GLYATL1: variants seen among roughly 807,000 people sequenced by gnomAD.
GLYATL1 encodes glycine N-acyltransferase-like protein 1.
Under a neutral mutation model 20.0 loss-of-function variants are expected in GLYATL1, and 15 were observed. The ratio of observed to expected loss-of-function variants is 0.75; its 90% CI spans 0.50 to 1.15. GLYATL1 has a LOEUF of 1.15. Among genes scored for constraint, GLYATL1 ranks in the 50% most tolerant of loss-of-function variants. GLYATL1 has a pLI of 0.00. For synonymous variants in GLYATL1, 151 were observed against 131.5 expected, an observed-to-expected ratio of 1.15 and a Z score of -1.01; for missense variants, 380 against 368.5, an observed-to-expected ratio of 1.03 and a Z score of -0.26.
intron 2 of GLYATL1, chr11:58,946,652 G>T: frequency 5.0e-6 from 1 of 198,174 alleles, no homozygotes; most frequent in East Asian, 1.4e-4. Flanking sequence ...CCTGTTCTTA[G>T]AGGGCTGATA....
rs1402899392 is a variant in GLYATL1, at chr11:58,954,817, C to T, written c.234C>T (p.Phe78=). Residue 78 remains phenylalanine, a synonymous_variant, in exon 5 of 7, where the codon TTC becomes TTT. Coordinates refer to ENST00000532726, the MANE Select transcript of GLYATL1 (RefSeq NM_001389712.2). ...MDSYTNVYRM[F]SKEPQKSEEV... ...CATACACAAACGTATATCGTATGTTCTCCAAAGAGCCTCAAAAATCAGAAG... is the reference window on the plus strand; with the variant it reads ...CATACACAAACGTATATCGTATGTTTTCCAAAGAGCCTCAAAAATCAGAAG... 2.5e-6 allele frequency: 4 copies of T among 1,612,034 alleles called. No individual in the cohort carries two copies. Among genetic ancestry groups the T allele is most frequent in the East Asian group, 4.5e-5 (2 of 44,880 alleles).
chr11:58,942,478 G>C (rs1453612785), intron 1 of GLYATL1: 1 of 152,172 alleles, frequency 6.6e-6, no homozygotes, highest in Non-Finnish European at 1.5e-5. Flanking sequence ...ATAATGGATT[G>C]GATGTAAAGT....
intron 1 of GLYATL1, among the ~76,000 whole-genome samples, chr11:58,914,390 G>A (rs1258003783): frequency 6.6e-6 from 1 of 152,196 alleles, no homozygotes; most frequent in Non-Finnish European, 1.5e-5. Context: ...TTGAATACAT[G>A]GGAGTCAGCA....
At chr11:58,916,461 G>A (rs1245315036) in intron 1 of GLYATL1, among the ~76,000 whole-genome samples, 1 of 152,206 alleles carries the variant, frequency 6.6e-6, no homozygotes. Flanking sequence ...GCACAGCTCA[G>A]AGATGTTAAA....
chr11:58,944,144 A>G (rs780515857), intron 2 of GLYATL1, among the ~76,000 whole-genome samples: 3 of 152,246 alleles, frequency 2.0e-5, no homozygotes, highest in Non-Finnish European at 4.4e-5. Flanking sequence ...ACATTACTAA[A>G]GATACTTAGA....
At chr11:58,915,732 T>A (rs1590767887) in intron 1 of GLYATL1, among the ~76,000 whole-genome samples, 1 of 152,160 alleles carries the variant, frequency 6.6e-6, no homozygotes, top group Non-Finnish European at 1.5e-5. Context: ...GAATCCTTGC[T>A]CTCCAATAGA....
At chr11:58,912,311 G>T (rs1458700041), downstream of GLYATL1, among the ~76,000 whole-genome samples, 1 of 152,176 alleles carries the variant, frequency 6.6e-6, no homozygotes, top group Non-Finnish European at 1.5e-5. Flanking sequence ...GACAAAGAAG[G>T]TTAGTCATCC....
chr11:58,911,863 G>A (rs1855052788), downstream of GLYATL1, among the ~76,000 whole-genome samples: 1 of 152,166 alleles, frequency 6.6e-6, no homozygotes, highest in South Asian at 2.1e-4. Context: ...TGCGGATCAT[G>A]CTTTTGTTGT....
upstream of GLYATL1, among the ~76,000 whole-genome samples, chr11:58,924,896 T>A (rs895918003): frequency 3.9e-5 from 6 of 152,244 alleles, no homozygotes; most frequent in Admixed American, 3.3e-4. Flanking sequence ...AAAAGGCAGA[T>A]TCAGAAGATG....
chr11:58,954,798 C>T lies in GLYATL1; in HGVS notation c.215C>T (p.Thr72Ile), dbSNP rs904723937. 1 of 1,609,006 alleles carries T rather than the reference C, an allele frequency of 6.2e-7. No homozygotes were observed. Among genetic ancestry groups the T allele is most frequent in the Admixed American group, 1.7e-5 (1 of 58,972 alleles). Residue 72 changes from threonine to isoleucine, a missense_variant, in exon 5 of 7, where the codon ACA becomes ATA. Thr to Ile is a moderately conservative substitution (Grantham distance 89, BLOSUM62 -1). Coordinates refer to ENST00000532726, the MANE Select transcript of GLYATL1 (RefSeq NM_001389712.2). Reference protein sequence around the residue: ...QEMTDDMDSYTNVYRMFSKEP... With the variant: ...QEMTDDMDSYINVYRMFSKEP... The stretch of plus-strand genomic sequence containing the variant: ...ATGACTGATGACATGGATTCATACA[C>T]AAACGTATATCGTATGTTCTCCAAA...
chr11:58,940,353 A>T (rs1856049794), intron 1 of GLYATL1, among the ~76,000 whole-genome samples: 1 of 152,226 alleles, frequency 6.6e-6, no homozygotes, highest in Non-Finnish European at 1.5e-5. Flanking sequence ...AGCCATGTGA[A>T]CATGTTTGCA....
At chr11:58,932,301 T>C (rs1159262032) in intron 1 of GLYATL1, among the ~76,000 whole-genome samples, 2 of 152,060 alleles carry the variant, frequency 1.3e-5, no homozygotes, top group African/African-American at 4.8e-5. Context: ...GATGAAGACA[T>C]AGAATAATGA....
chr11:58,932,374 C>T lies in GLYATL1; in HGVS notation c.-212+4545C>T, dbSNP rs574328152. On this transcript the variant is annotated intron_variant, in intron 1 of 7. Coordinates refer to the GLYATL1 transcript ENST00000317391. ...ACAACCATTTTGTAAAATAATAGGG[C>T]AATATCTATTATAATAAGGGAGATT... Among the ~76,000 whole-genome samples the T allele has an allele frequency of 1.8e-3, 274 of 152,226 alleles. 1 individual carries two copies. Among genetic ancestry groups the T allele is most frequent in the Admixed American group, 3.1e-3 (48 of 15,282 alleles).
intron 3 of GLYATL1, 119 bp from the exon 4 acceptor site, chr11:58,947,739 C>T: frequency 1.4e-6 from 1 of 712,120 alleles, no homozygotes; most frequent in Non-Finnish European, 2.5e-6. Flanking sequence ...GCTCATCTCA[C>T]CATCACTGAC....
intron 2 of GLYATL1, among the ~76,000 whole-genome samples, chr11:58,946,008 A>G (rs1224605833): frequency 1.3e-5 from 2 of 152,232 alleles, no homozygotes; most frequent in East Asian, 1.9e-4. Context: ...TGGATAAAAA[A>G]TTTCAAAAAT....
At chr11:58,917,936 G>T (rs1381658597) in intron 1 of GLYATL1, among the ~76,000 whole-genome samples, 1 of 152,194 alleles carries the variant, frequency 6.6e-6, no homozygotes, top group East Asian at 1.9e-4. Flanking sequence ...AATATAGAAA[G>T]CATGTTTTGC....
At chr11:58,949,675 T>G (rs1183716327) in intron 4 of GLYATL1, among the ~76,000 whole-genome samples, 1 of 151,112 alleles carries the variant, frequency 6.6e-6, no homozygotes, top group Non-Finnish European at 1.5e-5. Context: ...ACCACACATA[T>G]AAGACCAAAA....
intron 1 of GLYATL1, among the ~76,000 whole-genome samples, chr11:58,931,682 A>C (rs1463678184): frequency 1.3e-5 from 2 of 152,220 alleles, no homozygotes; most frequent in Non-Finnish European, 2.9e-5. Context: ...AGATTAATAA[A>C]CTTGACAACA....
chr11:58,931,708 C>T (rs559287767), intron 1 of GLYATL1, among the ~76,000 whole-genome samples: 1 of 152,032 alleles, frequency 6.6e-6, no homozygotes, highest in Admixed American at 6.5e-5. Flanking sequence ...ATGAACAACT[C>T]CTGTTCTTTA....
Sources: gnomAD v4.1 joint callset for allele counts (sites outside exome capture counted in the v4.1 genomes callset) on GRCh38, gnomAD v4.1.1 for gene constraint, MANE v1.5 for transcripts, NCBI Gene and HGNC (gene_info 2026-07-23, HGNC 2026-07-21) for gene names.